ERCC6: variants seen among roughly 807,000 people sequenced by gnomAD.
The protein encoded by ERCC6 is ERCC excision repair 6, chromatin remodeling factor.
Under a neutral mutation model 158.7 loss-of-function variants are expected in ERCC6, and 116 were observed. The ratio of observed to expected loss-of-function variants is 0.73; its 90% CI spans 0.63 to 0.85. ERCC6 has a LOEUF of 0.85. ERCC6 is among the 40% of genes least tolerant of loss of function. ERCC6 has a pLI of 0.00. For synonymous variants in ERCC6, 678 were observed against 659.3 expected, an observed-to-expected ratio of 1.03 and a Z score of -0.43; for missense variants, 1,698 against 1,799.4, an observed-to-expected ratio of 0.94 and a Z score of 1.02.
chr10:49,453,611 T>C (rs951007556), downstream of ERCC6, among the ~76,000 whole-genome samples: 7 of 152,222 alleles, frequency 4.6e-5, no homozygotes, highest in African/African-American at 7.2e-5. Context: ...TTGCTTTTAC[T>C]GGTGCTCTTC....
At chr10:49,515,786 C>A (rs745894239) in intron 5 of ERCC6, 8 of 1,614,030 alleles carry the variant, frequency 5.0e-6, no homozygotes, top group Non-Finnish European at 5.1e-6. Flanking sequence ...CTTGTATCTT[C>A]TTTTTCAGTT....
chr10:49,456,845 T>G lies in ERCC6; in HGVS notation c.*1970A>C, dbSNP rs1456277478. 6.6e-6 allele frequency: 1 copy of G among 151,044 alleles called. No homozygotes were observed. The highest frequency in any genetic ancestry group is 1.5e-5 in the Non-Finnish European group (1 of 67,344). 9.4% of individuals were successfully genotyped at this position (151,044 alleles called of 1,614,324 possible). A position where few individuals can be genotyped will look rare whatever the true frequency, so the allele number is the denominator to read the frequency against. ...AAGTCCCTCCAGCCAGGAGGCACGG[T>G]AACAATGTGTCAGATCTCCACACTG... On this transcript the variant is annotated 3_prime_UTR_variant, in exon 21 of 21. Coordinates refer to ENST00000355832, the MANE Select transcript of ERCC6 (RefSeq NM_000124.4).
At chr10:49,509,083 T>G (rs1851493513) in intron 5 of ERCC6, among the ~76,000 whole-genome samples, 1 of 152,108 alleles carries the variant, frequency 6.6e-6, no homozygotes. Flanking sequence ...CAAATCCTGG[T>G]GCCATTTACT....
intron 5 of ERCC6, chr10:49,517,142 TA>T: frequency 6.4e-7 from 1 of 1,571,142 alleles, no homozygotes; most frequent in Non-Finnish European, 8.7e-7. Context: ...AAAAAGGTAT[TA>T]TTAGTCCTAG....
intron 5 of ERCC6, chr10:49,516,322 T>C: frequency 1.2e-6 from 2 of 1,614,162 alleles, no homozygotes; most frequent in Non-Finnish European, 1.7e-6. Flanking sequence ...CTGAAATATG[T>C]TTCATTTGGA....
At position 49,458,864 on chromosome 10, in the gene ERCC6, C is replaced by T; in HGVS notation, c.4433G>A (p.Arg1478Lys). 6.2e-7 allele frequency: 1 copy of T among 1,614,198 alleles called. No homozygotes were observed. The highest frequency in any genetic ancestry group is 8.5e-7 in the Non-Finnish European group (1 of 1,180,030). ...ELLRNLCTFH[R>K]TSGGEGIWKL... is the part of the protein sequence containing the mutation. ...CCAAATTCCTTCACCACCAGAAGTT[C>T]TATGGAAAGTGCACAGATTTCTCAA... The change falls in exon 21 of 21, where the codon AGA becomes AAA. Residue 1478 changes from arginine (R) to lysine (K), a missense_variant. Coordinates refer to ENST00000355832, the MANE Select transcript of ERCC6 (RefSeq NM_000124.4).
At position 49,472,296 on chromosome 10, in the gene ERCC6, T is replaced by G. The variant is rs1850794282; in HGVS notation, c.2924+80A>C. 2.4e-6 allele frequency: 3 copies of G among 1,274,732 alleles called. No homozygotes were observed. In the South Asian group the frequency reaches 3.6e-5, roughly 15 times the overall value. The allele number at this position is 1,274,732 out of a possible 1,614,324, so 79.0% of individuals were successfully genotyped here. The stretch of plus-strand genomic sequence containing the variant: ...CTATTATTCTAAGATGTTAAGACTT[T>G]TAAAAACAACACTTTGGAAAAATTC... On this transcript the variant is annotated intron_variant, in intron 16 of 20. Coordinates refer to ENST00000355832, the MANE Select transcript of ERCC6 (RefSeq NM_000124.4).
intron 8 of ERCC6, chr10:49,488,308 C>T (rs745888254): frequency 6.3e-5 from 10 of 157,604 alleles, no homozygotes; most frequent in Middle Eastern, 5.2e-4. Flanking sequence ...GGGAGAGGAG[C>T]GAAGCACAGG....
intron 2 of ERCC6, among the ~76,000 whole-genome samples, chr10:49,531,758 C>T (rs147587749): frequency 3.0e-3 from 462 of 152,272 alleles, no homozygotes; most frequent in Middle Eastern, 0.01. Context: ...TTCATGACAG[C>T]GCCACACTCC....
At position 49,484,677 on chromosome 10, in the gene ERCC6, CT is replaced by C. The variant is rs537818597; in HGVS notation, c.1822-1162del. On this transcript the variant is annotated intron_variant, in intron 8 of 20. Coordinates refer to ENST00000355832, the MANE Select transcript of ERCC6 (RefSeq NM_000124.4). Reference sequence around the variant, plus strand: ...ATCCCTTGAGCTCAGGAGTTAGAGTCTACAGTGAGCTATAATCTCACCACTG... The same window carrying C: ...ATCCCTTGAGCTCAGGAGTTAGAGTCACAGTGAGCTATAATCTCACCACTG... 8.4e-3 allele frequency among the ~76,000 whole-genome samples: 1,282 copies of C among 152,284 alleles called. 22 individuals carry two copies. The highest frequency in any genetic ancestry group is 0.029 in the African/African-American group (1,205 of 41,542).
chr10:49,500,933 TGATA>T (rs1851346059), intron 6 of ERCC6: 1 of 522,818 alleles, frequency 1.9e-6, no homozygotes, highest in Non-Finnish European at 3.4e-6. Context: ...CTAATTAAAC[TGATA>T]GATGGGGTAA....
intron 1 of ERCC6, among the ~76,000 whole-genome samples, chr10:49,535,314 G>A (rs75448943): frequency 0.012 from 1,834 of 152,320 alleles, 19 homozygotes; most frequent in Non-Finnish European, 0.022. Flanking sequence ...GAAAGTCTGG[G>A]TGACATGTGG....
chr10:49,514,929 A>T (rs1163573093), intron 5 of ERCC6, among the ~76,000 whole-genome samples: 1 of 152,164 alleles, frequency 6.6e-6, no homozygotes, highest in Non-Finnish European at 1.5e-5. Context: ...GGCAAATCTG[A>T]GCAGATGAAA....
At chr10:49,538,236 T>C (rs550798539) in intron 1 of ERCC6, among the ~76,000 whole-genome samples, 1 of 152,242 alleles carries the variant, frequency 6.6e-6, no homozygotes, top group South Asian at 2.1e-4. Flanking sequence ...GGAGGGTTGG[T>C]CGGACACAGG....
At chr10:49,498,779 C>T (rs1222343998) in intron 7 of ERCC6, among the ~76,000 whole-genome samples, 1 of 152,154 alleles carries the variant, frequency 6.6e-6, no homozygotes, top group Non-Finnish European at 1.5e-5. Flanking sequence ...AACTACACTG[C>T]AGGGATGACT....
chr10:49,472,842 C>T (rs1189840758), intron 15 of ERCC6, 67 bp downstream of exon 15: 10 of 1,577,882 alleles, frequency 6.3e-6, no homozygotes, highest in Non-Finnish European at 8.6e-6. Context: ...AAAGGACAGT[C>T]AAAAGCGCTA....
intron 10 of ERCC6, 120 bp downstream of exon 10, chr10:49,482,567 C>A: frequency 3.3e-5 from 21 of 627,142 alleles, no homozygotes; most frequent in South Asian, 1.1e-4. Flanking sequence ...TAACCAGATA[C>A]CAATTTATGA....
the ERCC6 span, among the ~76,000 whole-genome samples, chr10:49,435,649 T>G: frequency 6.6e-6 from 1 of 152,138 alleles, no homozygotes; most frequent in African/African-American, 2.4e-5. Context: ...AAATATAGGA[T>G]GAACCTAAAG....
chr10:49,510,869 T>C (rs1851521350), intron 5 of ERCC6, among the ~76,000 whole-genome samples: 1 of 151,850 alleles, frequency 6.6e-6, no homozygotes, highest in African/African-American at 2.4e-5. Flanking sequence ...CTGCATTTCC[T>C]ACTCCTTCTA....
Sources: allele counts gnomAD v4.1 joint callset (sites outside exome capture counted in the v4.1 genomes callset), GRCh38; gene constraint gnomAD v4.1.1; transcripts MANE v1.5; gene names NCBI Gene and HGNC (gene_info 2026-07-23, HGNC 2026-07-21).